Variants in PALB2 observed in about 807,000 individuals in gnomAD.
PALB2 encodes mutant partner and localizer of BRCA2.
PALB2 carries 82 observed loss-of-function variants against 107.4 expected under a neutral mutation model. The observed-to-expected ratio is 0.76, with a 90% confidence interval of 0.64 to 0.92. The LOEUF (loss-of-function observed/expected upper bound fraction) is 0.92, where lower values mean the gene tolerates loss of function less well. Among genes scored for constraint, PALB2 ranks in the 40% least tolerant of loss-of-function variants. The pLI, the probability that PALB2 is intolerant of heterozygous loss-of-function variation, is 0.00. For synonymous variants in PALB2, 489 were observed against 496.8 expected (o/e 0.98, Z 0.21); for missense variants, 1,374 against 1,379.9 (o/e 1.00, Z 0.07).
chr16:23,608,792 GTA>G (rs141158117), intron 11 of PALB2, among the ~76,000 whole-genome samples: 11 of 145,882 alleles, frequency 7.5e-5, no homozygotes, highest in Non-Finnish European at 1.2e-4. Flanking sequence ...CTGTATGTGT[GTA>G]TATATATACA....
chr16:23,621,248 C>A, intron 10 of PALB2, 114 bp downstream of exon 10: 1 of 792,576 alleles, frequency 1.3e-6, no homozygotes. Context: ...AACACAAAAC[C>A]ACAATCATGT....
intron 6 of PALB2, 75 bp downstream of exon 6, chr16:23,629,129 T>C: frequency 8.9e-7 from 1 of 1,120,078 alleles, no homozygotes; most frequent in Non-Finnish European, 1.4e-6. Flanking sequence ...AGAAGCTATA[T>C]GACTGAATTC....
intron 8 of PALB2, among the ~76,000 whole-genome samples, chr16:23,623,605 C>G (rs1966815843): frequency 6.8e-6 from 1 of 146,158 alleles, no homozygotes. Flanking sequence ...CCTCTGTTTC[C>G]CGGGTTCAGG....
chr16:23,604,698 G>A (rs938692219), intron 12 of PALB2, among the ~76,000 whole-genome samples: 1 of 151,732 alleles, frequency 6.6e-6, no homozygotes, highest in African/African-American at 2.4e-5. Flanking sequence ...CATGGGAGGT[G>A]GAGGTTGCAG....
Position 23,607,917 on chromosome 16 carries a change from C to T in PALB2, c.3297G>A (p.Thr1099=), listed in dbSNP as rs45565738. ...VFQLIVINPK[T]TLSVGVMLYC... ...ACAGCATCACACCCACGCTGAGAGT[C>T]GTCTTAGGGTTAATCACAATGAGCT... The change falls in exon 12 of 13, where the codon ACG becomes ACA. Residue 1099 remains threonine, a synonymous_variant. Transcript: ENST00000261584. 5.2e-5 allele frequency: 84 copies of T among 1,613,952 alleles called. No individual in the cohort carries two copies. Among genetic ancestry groups the T allele is most frequent in the Non-Finnish European group, 6.7e-5 (79 of 1,180,020 alleles).
chr16:23,619,368 G>T (rs146762365), intron 10 of PALB2, among the ~76,000 whole-genome samples: 2 of 151,926 alleles, frequency 1.3e-5, no homozygotes, highest in African/African-American at 4.8e-5. Flanking sequence ...CTTTTTTTGA[G>T]ACAGAGTCTC....
At chr16:23,604,848 C>A (rs1279432305) in intron 12 of PALB2, among the ~76,000 whole-genome samples, 4 of 151,620 alleles carry the variant, frequency 2.6e-5, no homozygotes, top group Admixed American at 6.6e-5. Flanking sequence ...CCAAGGCAGG[C>A]AGATCACCTG....
At chr16:23,608,801 T>TATATATACACACACACACACACACAC (rs560756242) in intron 11 of PALB2, among the ~76,000 whole-genome samples, 3 of 143,808 alleles carry the variant, frequency 2.1e-5, no homozygotes, top group Admixed American at 7.0e-5. Context: ...TGTATATATA[T>TATATATACACACACACACACACACAC]ACACACACAC....
intron 9 of PALB2, 70 bp from the exon 10 acceptor site, chr16:23,621,548 T>G: frequency 1.1e-6 from 1 of 922,380 alleles, no homozygotes; most frequent in South Asian, 1.3e-5. Context: ...CTTCTCCGCA[T>G]TGTTGAACTG....
chr16:23,625,022 C>G (rs1048055143), intron 7 of PALB2, among the ~76,000 whole-genome samples: 7 of 152,066 alleles, frequency 4.6e-5, no homozygotes, highest in African/African-American at 1.7e-4. Context: ...TAAGCTCCTC[C>G]AACAGGTCTA....
chr16:23,611,436 A>G (rs925726322), intron 11 of PALB2, among the ~76,000 whole-genome samples: 1 of 150,268 alleles, frequency 6.7e-6, no homozygotes, highest in Non-Finnish European at 1.5e-5. Context: ...GTGAGCCACC[A>G]TGCCCAGCCT....
At chr16:23,640,775 G>C in intron 1 of PALB2, 1 of 327,694 alleles carries the variant, frequency 3.1e-6, no homozygotes, top group Non-Finnish European at 5.7e-6. Context: ...GGAAGTACCA[G>C]ACTTAAAAGA....
chr16:23,628,718 G>A (rs758226712), intron 6 of PALB2, among the ~76,000 whole-genome samples: 7 of 152,088 alleles, frequency 4.6e-5, no homozygotes, highest in Non-Finnish European at 8.8e-5. Flanking sequence ...TCACTGCAAC[G>A]TCTGTCTCCC....
At chr16:23,618,361 C>T (rs945320691) in intron 10 of PALB2, among the ~76,000 whole-genome samples, 5 of 151,862 alleles carry the variant, frequency 3.3e-5, no homozygotes, top group East Asian at 1.9e-4. Flanking sequence ...CTCTTATATA[C>T]GAAATGCCAA....
intron 10 of PALB2, among the ~76,000 whole-genome samples, chr16:23,616,613 A>G (rs1291297681): frequency 2.0e-5 from 3 of 152,126 alleles, no homozygotes; most frequent in African/African-American, 7.2e-5. Flanking sequence ...ACCAGGATTC[A>G]TATCTGATTC....
chr16:23,640,929 G>A, intron 1 of PALB2, 181 bp downstream of exon 1: 1 of 663,750 alleles, frequency 1.5e-6, no homozygotes. Flanking sequence ...TTCTTTAAAC[G>A]CCACCACGTG....
At chr16:23,631,385 C>T (rs958619021) in intron 4 of PALB2, among the ~76,000 whole-genome samples, 1 of 151,092 alleles carries the variant, frequency 6.6e-6, no homozygotes, top group African/African-American at 2.4e-5. Flanking sequence ...AGGAGAATCA[C>T]TTGAACCCGG....
In PALB2 at chr16:23,635,427, C is replaced by T. The variant is rs45623436; in HGVS notation, c.1119G>A (p.Glu373=). ...TAAGACTCTTAGGTTGACTTAGAAT[C>T]TCACTTTCCTGAAGATTTTCATTCC... The part of the protein sequence containing the change: ...DGRNENLQES[E]ILSQPKSLSL... The change falls in exon 4 of 13, where the codon GAG becomes GAA. Residue 373 remains glutamate, a synonymous_variant. Transcript: ENST00000261584. The T allele has an allele frequency of 4.3e-6, 7 of 1,614,018 alleles. No individual in the cohort carries two copies. Among genetic ancestry groups the T allele is most frequent in the Non-Finnish European group, 5.9e-6 (7 of 1,179,900 alleles).
chr16:23,609,798 G>T (rs1023152183), intron 11 of PALB2, among the ~76,000 whole-genome samples: 19 of 152,084 alleles, frequency 1.2e-4, no homozygotes, highest in Non-Finnish European at 1.5e-5. Flanking sequence ...TTACAGGCGT[G>T]AGCCACCGCG....
Sources: gnomAD v4.1 joint callset for allele counts (sites outside exome capture counted in the v4.1 genomes callset) on GRCh38, gnomAD v4.1.1 for gene constraint, MANE v1.5 for transcripts, NCBI Gene and HGNC (gene_info 2026-07-23, HGNC 2026-07-21) for gene names.